Variants in PCDH11X observed in about 807,000 individuals in gnomAD.
PCDH11X encodes the protein protocadherin-11 X-linked.
A neutral mutation model predicts 53.3 loss-of-function variants in PCDH11X; 18 were observed. That is an observed-to-expected ratio of 0.34 (90% CI 0.23 to 0.50). The LOEUF is 0.50. Among genes scored for constraint, PCDH11X ranks in the 20% least tolerant of loss-of-function variants. The pLI is 0.98. For synonymous variants in PCDH11X, 279 were observed against 393.3 expected (o/e 0.71, Z 3.44); for missense variants, 570 against 1,032.4 (o/e 0.55, Z 6.14).
chrX:92,456,144 A>G (rs2072904239), intron 9 of PCDH11X, among the ~76,000 whole-genome samples: 1 of 111,738 alleles, frequency 8.9e-6, no homozygotes, highest in African/African-American at 3.2e-5. Context: ...GATCGGGGAT[A>G]TATATTTTTC....
chrX:92,473,105 T>G (rs2148665687), intron 10 of PCDH11X, among the ~76,000 whole-genome samples: 1 of 108,326 alleles, frequency 9.2e-6, no homozygotes, highest in East Asian at 2.9e-4. Flanking sequence ...TCCTCTCTGC[T>G]GGAAGATATT....
intron 10 of PCDH11X, among the ~76,000 whole-genome samples, chrX:92,501,813 G>A (rs1285377590): frequency 9.0e-6 from 1 of 111,166 alleles, no homozygotes; most frequent in Non-Finnish European, 1.9e-5. Context: ...ACTGGCACAA[G>A]GCAAGGATGC....
chrX:92,613,531 TG>T (rs753362464), intron 10 of PCDH11X, among the ~76,000 whole-genome samples: 1,135 of 95,726 alleles, frequency 0.012, 8 homozygotes, highest in Non-Finnish European at 0.015. Context: ...TAAGTTTTTT[TG>T]TTGTTGTTGT....
At chrX:91,946,635 T>C (rs1355249516) in intron 6 of PCDH11X, among the ~76,000 whole-genome samples, 2 of 92,356 alleles carry the variant, frequency 2.2e-5, no homozygotes, top group East Asian at 7.1e-4. Context: ...GGATTTGTGA[T>C]ATATTTATCT....
intron 6 of PCDH11X, among the ~76,000 whole-genome samples, chrX:92,092,128 C>T (rs148467363): frequency 0.024 from 2,645 of 111,426 alleles, 71 homozygotes; most frequent in African/African-American, 0.082. Context: ...GGGTGTGACT[C>T]CCCAGACCCC....
In PCDH11X at chrX:91,876,767, T is replaced by C. The variant is rs748781539; in HGVS notation, c.541-14T>C. 2 of 1,201,564 alleles carry C rather than the reference T, an allele frequency of 1.7e-6. No individual in the cohort carries two copies. Among genetic ancestry groups the C allele is most frequent in the Non-Finnish European group, 2.3e-6 (2 of 888,514 alleles). On this transcript the variant is annotated splice_polypyrimidine_tract_variant and intron_variant, in intron 5 of 10. Coordinates refer to ENST00000682573, the MANE Select transcript of PCDH11X (RefSeq NM_032968.5). The stretch of plus-strand genomic sequence containing the variant: ...TTAACATAAGTTAATTCTGTTTCAT[T>C]GCATGTTTTCCAGAGTCAAAACATT...
intron 8 of PCDH11X, among the ~76,000 whole-genome samples, chrX:92,346,884 C>A (rs1237663056): frequency 1.8e-5 from 2 of 110,754 alleles, no homozygotes; most frequent in Admixed American, 9.6e-5. Flanking sequence ...CATATTTTTC[C>A]CTAGAAAATG....
chrX:92,575,732 G>C (rs1393842200), intron 10 of PCDH11X, among the ~76,000 whole-genome samples: 1 of 105,003 alleles, frequency 9.5e-6, no homozygotes, highest in African/African-American at 3.4e-5. Context: ...AGAACACAAT[G>C]AATCCAATTA....
At chrX:92,394,700 T>C (rs2071205823) in intron 9 of PCDH11X, among the ~76,000 whole-genome samples, 12 of 112,093 alleles carry the variant, frequency 1.1e-4, no homozygotes, top group Admixed American at 9.5e-4. Flanking sequence ...TGAAAGTCAG[T>C]ATAATCAGTC....
intron 4 of PCDH11X, among the ~76,000 whole-genome samples, chrX:91,821,534 A>T (rs1485861266): frequency 2.7e-5 from 3 of 109,994 alleles, no homozygotes; most frequent in African/African-American, 1.0e-4. Flanking sequence ...GTATCCTGAG[A>T]CTTTGCTGAA....
intron 6 of PCDH11X, among the ~76,000 whole-genome samples, chrX:91,994,776 G>A (rs1280570165): frequency 9.0e-6 from 1 of 111,249 alleles, no homozygotes; most frequent in East Asian, 2.8e-4. Flanking sequence ...GTTTACAAGG[G>A]TTCCCTATTC....
intron 6 of PCDH11X, among the ~76,000 whole-genome samples, chrX:91,889,472 C>T (rs1398700772): frequency 9.0e-6 from 1 of 111,440 alleles, no homozygotes; most frequent in East Asian, 2.8e-4. Context: ...GCCACCACAC[C>T]TGGCTAATTT....
chrX:92,156,242 GC>G (rs996719114), intron 6 of PCDH11X, among the ~76,000 whole-genome samples: 1 of 108,999 alleles, frequency 9.2e-6, no homozygotes, highest in South Asian at 4.0e-4. Context: ...TCTCCTATCC[GC>G]CCCCCCATTC....
At chrX:92,367,229 C>G (rs1336481350) in intron 8 of PCDH11X, among the ~76,000 whole-genome samples, 1 of 111,565 alleles carries the variant, frequency 9.0e-6, no homozygotes, top group Non-Finnish European at 1.9e-5. Context: ...TTGCATTGAT[C>G]CCTTTACCAT....
intron 7 of PCDH11X, among the ~76,000 whole-genome samples, chrX:92,239,842 A>G (rs1260829354): frequency 2.7e-5 from 3 of 112,038 alleles, no homozygotes; most frequent in Non-Finnish European, 5.6e-5. Context: ...TCCAGAGACC[A>G]ATGCTTATTA....
intron 1 of PCDH11X, among the ~76,000 whole-genome samples, chrX:91,803,974 A>G (rs1760650070): frequency 9.0e-6 from 1 of 110,996 alleles, no homozygotes; most frequent in African/African-American, 3.3e-5. Context: ...ATTTTCCCAC[A>G]TTTTTTCAAT....
chrX:92,355,572 T>G (rs1403045563), intron 8 of PCDH11X, among the ~76,000 whole-genome samples: 2 of 106,019 alleles, frequency 1.9e-5, no homozygotes, highest in African/African-American at 3.5e-5. Flanking sequence ...GATATATTAT[T>G]AAAGCATGAA....
At chrX:92,601,255 T>TC (rs1410209404) in intron 10 of PCDH11X, among the ~76,000 whole-genome samples, 1 of 104,586 alleles carries the variant, frequency 9.6e-6, no homozygotes, top group Non-Finnish European at 1.9e-5. Context: ...TTTGCCTGTG[T>TC]CCCCACTCAA....
chrX:92,054,820 C>CAAAAAAAAAAAA (rs1174448342), intron 6 of PCDH11X, among the ~76,000 whole-genome samples: 6 of 25,340 alleles, frequency 2.4e-4, no homozygotes, highest in East Asian at 1.4e-3. Context: ...AACTCTGTCT[C>CAAAAAAAAAAAA]AAAAAAAAAA....
Sources: allele counts gnomAD v4.1 joint callset (sites outside exome capture counted in the v4.1 genomes callset), GRCh38; gene constraint gnomAD v4.1.1; transcripts MANE v1.5; gene names NCBI Gene and HGNC (gene_info 2026-07-23, HGNC 2026-07-21).